NIPAL2: variants seen among roughly 807,000 people sequenced by gnomAD.
NIPAL2 encodes the protein NIPA like domain containing 2.
NIPAL2 carries 43 observed loss-of-function variants against 48.9 expected under a neutral mutation model. That is an observed-to-expected ratio of 0.88 (90% confidence interval 0.69 to 1.13). The LOEUF (loss-of-function observed/expected upper bound fraction) is 1.13. Among genes scored for constraint, NIPAL2 ranks in the 50% most tolerant of loss-of-function variants. NIPAL2 has a pLI of 0.00. For missense variants in NIPAL2, 446 were observed against 461.4 expected (o/e 0.97, Z 0.31); for synonymous variants, 167 against 174.6 (o/e 0.96, Z 0.34).
At chr8:98,211,733 A>AGTGTGTGTGTGTGTGTGTGTGT (rs1156409051) in intron 6 of NIPAL2, among the ~76,000 whole-genome samples, 33 of 109,142 alleles carry the variant, frequency 3.0e-4, no homozygotes, top group African/African-American at 1.3e-3. Context: ...AGAGAGAGAA[A>AGTGTGTGTGTGTGTGTGTGTGT]GTGTGTGTGT....
chr8:98,202,331 C>G (rs1810842443), intron 8 of NIPAL2, among the ~76,000 whole-genome samples: 1 of 152,154 alleles, frequency 6.6e-6, no homozygotes, highest in East Asian at 1.9e-4. Flanking sequence ...GGCCCAGAGA[C>G]AAGACTCAAG....
intron 10 of NIPAL2, chr8:98,193,304 T>A: frequency 1.3e-6 from 2 of 1,498,652 alleles, no homozygotes; most frequent in Non-Finnish European, 1.9e-6. Flanking sequence ...AGAGCCACTA[T>A]CCCCACCCCA....
At chr8:98,211,103 C>A (rs1451518736) in intron 6 of NIPAL2, among the ~76,000 whole-genome samples, 1 of 152,168 alleles carries the variant, frequency 6.6e-6, no homozygotes, top group African/African-American at 2.4e-5. Context: ...TGTACTAGTG[C>A]AAATTGGCTG....
At chr8:98,267,342 G>C (rs1162166092) in intron 1 of NIPAL2, among the ~76,000 whole-genome samples, 1 of 123,328 alleles carries the variant, frequency 8.1e-6, no homozygotes, top group African/African-American at 3.1e-5. Context: ...TTTTTTTTTT[G>C]AAACAGGGTC....
Position 98,242,488 on chromosome 8 carries a change from A to ATTTTTTTTTTTTTTTT in NIPAL2, c.377-6290_377-6275dup, listed in dbSNP as rs568464494. On this transcript the variant is annotated intron_variant, in intron 3 of 10. Coordinates refer to ENST00000430223, the MANE Select transcript of NIPAL2 (RefSeq NM_001321635.2). ...AGGCAAAAGCCACTGCACCTGACAG[A>ATTTTTTTTTTTTTTTT]TTTTTTTTTTTTTTTTTTTAACTGA... 2.7e-4 allele frequency among the ~76,000 whole-genome samples: 32 copies of ATTTTTTTTTTTTTTTT among 117,778 alleles called. 1 individual carries two copies. Among genetic ancestry groups the ATTTTTTTTTTTTTTTT allele is most frequent in the African/African-American group, 1.1e-3 (32 of 30,322 alleles). The allele number at this position is 117,778 out of a possible 152,430, so 77.3% of individuals were successfully genotyped here. A position where few individuals can be genotyped will look rare whatever the true frequency, so the allele number is the denominator to read the frequency against.
chr8:98,264,830 C>T (rs898932276), intron 1 of NIPAL2, among the ~76,000 whole-genome samples: 2 of 152,248 alleles, frequency 1.3e-5, no homozygotes, highest in African/African-American at 4.8e-5. Flanking sequence ...CAAGTCAATC[C>T]TAAGCCAAAA....
chr8:98,287,935 A>G (rs905119898), intron 1 of NIPAL2, among the ~76,000 whole-genome samples: 1 of 152,246 alleles, frequency 6.6e-6, no homozygotes, highest in Admixed American at 6.5e-5. Flanking sequence ...AATTCTCATA[A>G]GCTAACAAAA....
chr8:98,263,324 A>C (rs930043102), intron 1 of NIPAL2, among the ~76,000 whole-genome samples: 99 of 150,718 alleles, frequency 6.6e-4, no homozygotes, highest in African/African-American at 2.3e-3. Context: ...CCTTCAAAAA[A>C]TTAATGAATC....
intron 4 of NIPAL2, among the ~76,000 whole-genome samples, chr8:98,226,938 G>T (rs1422241347): frequency 2.0e-5 from 3 of 152,116 alleles, no homozygotes; most frequent in Non-Finnish European, 4.4e-5. Flanking sequence ...AATTTACCTG[G>T]TGTTCTATTC....
chr8:98,214,352 C>G (rs190280788), intron 5 of NIPAL2, among the ~76,000 whole-genome samples: 154 of 152,084 alleles, frequency 1.0e-3, no homozygotes, highest in African/African-American at 3.7e-3. Flanking sequence ...TTAGTAGAGA[C>G]AGGGTTTTGC....
intron 1 of NIPAL2, among the ~76,000 whole-genome samples, chr8:98,280,751 T>G (rs1007271218): frequency 1.2e-4 from 5 of 42,342 alleles, no homozygotes; most frequent in East Asian, 4.0e-4. Flanking sequence ...TATATATATA[T>G]ATATATATAT....
intron 1 of NIPAL2, among the ~76,000 whole-genome samples, chr8:98,274,868 C>T (rs535943629): frequency 2.0e-5 from 3 of 152,124 alleles, no homozygotes; most frequent in Non-Finnish European, 2.9e-5. Context: ...TTCCTATATC[C>T]TGTTAGAATT....
chr8:98,193,373 G>A (rs1245876000), intron 10 of NIPAL2: 1 of 1,613,798 alleles, frequency 6.2e-7, no homozygotes, highest in Middle Eastern at 1.6e-4. Context: ...TTCACATGAA[G>A]CATTCACTCA....
At chr8:98,221,299 C>G (rs887563445) in intron 5 of NIPAL2, among the ~76,000 whole-genome samples, 4 of 151,582 alleles carry the variant, frequency 2.6e-5, no homozygotes, top group Non-Finnish European at 5.9e-5. Context: ...TTATACATCT[C>G]TTGGCATTGT....
At position 98,276,834 on chromosome 8, in the gene NIPAL2, G is replaced by A. The variant is rs181889700; in HGVS notation, c.135+17169C>T. On this transcript the variant is annotated intron_variant, in intron 1 of 10. Transcript: ENST00000430223. ...GTTGCCCAGGCTGAAGTGCAGTTGC[G>A]CGATCTTGGCTCACTGCAACCTCCA... is the stretch of plus-strand genomic sequence containing the variant. Among the ~76,000 whole-genome samples, 137 of 149,698 alleles carry A rather than the reference G, an allele frequency of 9.2e-4. 2 individuals carry two copies. The South Asian group carries it at 0.02, about 22-fold the overall frequency.
rs13256994 is a variant in NIPAL2, at chr8:98,283,595, T to A, written c.135+10408A>T. Reference sequence around the variant, plus strand: ...GTTTTAACAACCCATAATCCTTTGTTTCCAAAGAAGCAGGATTGCAGGCCA... The same window carrying A: ...GTTTTAACAACCCATAATCCTTTGTATCCAAAGAAGCAGGATTGCAGGCCA... On this transcript the variant is annotated intron_variant, in intron 1 of 10. Transcript: ENST00000430223. Among the ~76,000 whole-genome samples, 295 of 152,304 alleles carry A rather than the reference T, an allele frequency of 1.9e-3. 1 individual carries two copies. Among genetic ancestry groups the A allele is most frequent in the Middle Eastern group, 0.017 (5 of 294 alleles).
At chr8:98,199,363 C>T (rs568871964) in intron 8 of NIPAL2, among the ~76,000 whole-genome samples, 18 of 152,270 alleles carry the variant, frequency 1.2e-4, no homozygotes, top group Middle Eastern at 6.8e-3. Context: ...TAAGCTTAAT[C>T]GTTTCTAGCT....
rs1054384118 is a variant in NIPAL2, at chr8:98,198,959, C to CT, written c.881-2955dup. Reference sequence around the variant, plus strand: ...GTTTTTTTCTTTTTCTTTTTCTTTTCTTTTTTTTTTTTTTGAGACAGAGTT... The same window carrying CT: ...GTTTTTTTCTTTTTCTTTTTCTTTTCTTTTTTTTTTTTTTTGAGACAGAGTT... On this transcript the variant is annotated intron_variant, in intron 8 of 10. Coordinates refer to ENST00000430223, the MANE Select transcript of NIPAL2 (RefSeq NM_001321635.2). Among the ~76,000 whole-genome samples, 1,216 of 140,728 alleles carry CT rather than the reference C, an allele frequency of 8.6e-3. 14 individuals carry two copies. The highest frequency in any genetic ancestry group is 0.022 in the African/African-American group (840 of 38,668). The allele number at this position is 140,728 out of a possible 152,430, so 92.3% of individuals were successfully genotyped here. A position where few individuals can be genotyped will look rare whatever the true frequency, so the allele number is the denominator to read the frequency against.
intron 1 of NIPAL2, among the ~76,000 whole-genome samples, chr8:98,259,583 G>C (rs1038144209): frequency 3.0e-4 from 46 of 152,272 alleles, no homozygotes; most frequent in Middle Eastern, 3.4e-3. Flanking sequence ...CCACCTGTTA[G>C]GAAAAACAGT....
Sources: allele counts gnomAD v4.1 joint callset (sites outside exome capture counted in the v4.1 genomes callset), GRCh38; gene constraint gnomAD v4.1.1; transcripts MANE v1.5; gene names NCBI Gene and HGNC (gene_info 2026-07-23, HGNC 2026-07-21).